Variants in GRID2 observed in about 807,000 individuals in gnomAD.
The protein encoded by GRID2 is glutamate ionotropic receptor delta type subunit 2, also known as glutamate receptor ionotropic, delta-2.
GRID2 carries 33 observed loss-of-function variants against 114.8 expected under a neutral mutation model. The ratio of observed to expected loss-of-function variants is 0.29; its 90% CI spans 0.22 to 0.38. GRID2 has a LOEUF of 0.38. GRID2 is among the 10% of genes least tolerant of loss of function. GRID2 has a pLI of 1.00. For synonymous variants in GRID2, 505 were observed against 449.9 expected (o/e 1.12, Z -1.55); for missense variants, 1,184 against 1,257.7 (o/e 0.94, Z 0.89).
chr4:93,336,938 A>T (rs59505106), intron 8 of GRID2, among the ~76,000 whole-genome samples: 1,881 of 149,326 alleles, frequency 0.013, 41 homozygotes, highest in African/African-American at 0.046. Flanking sequence ...ACTTTAGTGT[A>T]AATATTTTGT....
intron 14 of GRID2, among the ~76,000 whole-genome samples, chr4:93,636,269 G>A (rs1721403679): frequency 6.6e-6 from 1 of 152,078 alleles, no homozygotes; most frequent in African/African-American, 2.4e-5. Flanking sequence ...GATTTGTGCT[G>A]TTTCTAGATC....
chr4:93,113,217 C>G (rs1732931166), intron 4 of GRID2, among the ~76,000 whole-genome samples: 1 of 152,188 alleles, frequency 6.6e-6, no homozygotes, highest in South Asian at 2.1e-4. Context: ...TTACTGCTTT[C>G]TTTTCTAACA....
chr4:92,794,250 G>T (rs555423007), intron 2 of GRID2, among the ~76,000 whole-genome samples: 2 of 151,758 alleles, frequency 1.3e-5, no homozygotes, highest in Non-Finnish European at 2.9e-5. Context: ...TTACAGGCAT[G>T]AGCCACCACA....
chr4:92,338,596 T>G (rs1308381212), intron 1 of GRID2, among the ~76,000 whole-genome samples: 2 of 152,100 alleles, frequency 1.3e-5, no homozygotes, highest in African/African-American at 4.8e-5. Context: ...GTGTATTAAA[T>G]TCATGATACA....
At chr4:93,042,297 CTCTA>C (rs70942944) in intron 2 of GRID2, among the ~76,000 whole-genome samples, 16,159 of 98,408 alleles carry the variant, frequency 0.16, 928 homozygotes, top group Non-Finnish European at 0.2. Context: ...CTCTCTCTCT[CTCTA>C]TATATATATA....
At chr4:92,581,492 C>T (rs573762982) in intron 1 of GRID2, among the ~76,000 whole-genome samples, 1 of 152,186 alleles carries the variant, frequency 6.6e-6, no homozygotes, top group Non-Finnish European at 1.5e-5. Flanking sequence ...ATAGTATTAT[C>T]AGTTTAAATG....
chr4:93,800,091 AC>A (rs1734898730), intron 1 of GRID2, among the ~76,000 whole-genome samples: 1 of 152,240 alleles, frequency 6.6e-6, no homozygotes, highest in Non-Finnish European at 1.5e-5. Flanking sequence ...TACCTAACCT[AC>A]CAAATTCCTA....
intron 2 of GRID2, among the ~76,000 whole-genome samples, chr4:93,057,514 C>A (rs1005981717): frequency 1.3e-5 from 2 of 151,524 alleles, no homozygotes; most frequent in African/African-American, 4.8e-5. Context: ...TGTTTCAAAG[C>A]AAGAAGAAGA....
intron 2 of GRID2, among the ~76,000 whole-genome samples, chr4:92,762,377 T>C (rs556125911): frequency 6.6e-6 from 1 of 152,052 alleles, no homozygotes; most frequent in South Asian, 2.1e-4. Flanking sequence ...TAGAGTCAAA[T>C]GAATACTCCT....
chr4:92,680,806 G>T (rs926493203), intron 2 of GRID2, among the ~76,000 whole-genome samples: 4 of 152,098 alleles, frequency 2.6e-5, no homozygotes, highest in African/African-American at 9.7e-5. Flanking sequence ...AGCACAAAGA[G>T]AATCACAAAA....
chr4:92,833,833 C>G (rs1742281016), intron 2 of GRID2: 1 of 152,218 alleles, frequency 6.6e-6, no homozygotes, highest in Non-Finnish European at 1.5e-5. Context: ...TAGCACTGAG[C>G]CTCCTAGAAT....
chr4:93,078,595 G>A (rs1034364572), intron 2 of GRID2, among the ~76,000 whole-genome samples: 4 of 148,682 alleles, frequency 2.7e-5, no homozygotes, highest in Admixed American at 6.8e-5. Context: ...TCCTTAAATC[G>A]GGAGCTATGA....
chr4:92,425,804 A>G (rs988291128), intron 1 of GRID2, among the ~76,000 whole-genome samples: 1 of 152,152 alleles, frequency 6.6e-6, no homozygotes, highest in Admixed American at 6.5e-5. Flanking sequence ...ATAATTTATG[A>G]AAGAGATGAA....
chr4:92,436,574 CTG>C (rs1732746270), intron 1 of GRID2, among the ~76,000 whole-genome samples: 1 of 151,660 alleles, frequency 6.6e-6, no homozygotes, highest in Admixed American at 6.6e-5. Flanking sequence ...GTTTTTCTAA[CTG>C]TGAAGTGTAC....
chr4:93,108,359 A>G (rs1003622211), intron 3 of GRID2, among the ~76,000 whole-genome samples: 1 of 152,186 alleles, frequency 6.6e-6, no homozygotes, highest in Admixed American at 6.5e-5. Context: ...ATATTCAACA[A>G]ATGTTTTTGG....
At chr4:92,573,458 A>C (rs1300920070) in intron 1 of GRID2, among the ~76,000 whole-genome samples, 1 of 151,972 alleles carries the variant, frequency 6.6e-6, no homozygotes, top group Non-Finnish European at 1.5e-5. Flanking sequence ...TAGTGCTATA[A>C]ATTTCCCTCT....
intron 2 of GRID2, among the ~76,000 whole-genome samples, chr4:92,768,195 T>C (rs1053384281): frequency 3.3e-5 from 5 of 152,242 alleles, no homozygotes; most frequent in South Asian, 2.1e-4. Flanking sequence ...GACTTTGATA[T>C]TGATGCAGAT....
chr4:92,407,141 G>A (rs1441907680), intron 1 of GRID2, among the ~76,000 whole-genome samples: 1 of 151,980 alleles, frequency 6.6e-6, no homozygotes, highest in Non-Finnish European at 1.5e-5. Context: ...TATCTCATGA[G>A]AACTCTCTAT....
intron 1 of GRID2, among the ~76,000 whole-genome samples, chr4:92,399,653 CTCTCTCTCTCTCTA>C (rs1355197069): frequency 3.6e-5 from 5 of 138,670 alleles, no homozygotes; most frequent in South Asian, 2.3e-4. Context: ...CTCTCTCTCT[CTCTCTCTCTCTCTA>C]TATATATATA....
Sources: gnomAD v4.1 joint callset for allele counts (sites outside exome capture counted in the v4.1 genomes callset) on GRCh38, gnomAD v4.1.1 for gene constraint, MANE v1.5 for transcripts, NCBI Gene and HGNC (gene_info 2026-07-23, HGNC 2026-07-21) for gene names.